ROBO2: variants seen among roughly 807,000 people sequenced by gnomAD.
ROBO2 encodes the protein roundabout homolog 2.
Under a neutral mutation model 160.8 loss-of-function variants are expected in ROBO2, and 53 were observed. That is an observed-to-expected ratio of 0.33 (90% confidence interval 0.26 to 0.41). The LOEUF is 0.41. ROBO2 is among the 10% of genes least tolerant of loss of function. ROBO2 has a pLI of 1.00. For synonymous variants in ROBO2, 664 were observed against 611.7 expected, an observed-to-expected ratio of 1.09 and a Z score of -1.26; for missense variants, 1,577 against 1,722.4, an observed-to-expected ratio of 0.92 and a Z score of 1.49.
At chr3:76,725,594 A>G (rs969291142) in intron 2 of ROBO2, among the ~76,000 whole-genome samples, 3 of 152,144 alleles carry the variant, frequency 2.0e-5, no homozygotes, top group East Asian at 1.9e-4. Flanking sequence ...CATTTCATAC[A>G]TGTTCCTGAA....
exon 1 of ROBO2, chr3:77,040,125 A>G: frequency 2.0e-6 from 2 of 981,330 alleles, no homozygotes; most frequent in Non-Finnish European, 2.4e-6. Context: ...CTCCACCCGA[A>G]TCGTCCTGAT....
chr3:77,219,823 T>C (rs1056796723), intron 2 of ROBO2, among the ~76,000 whole-genome samples: 4 of 151,446 alleles, frequency 2.6e-5, no homozygotes, highest in Non-Finnish European at 5.9e-5. Flanking sequence ...GTGTAGAAAA[T>C]TTGTAGATCT....
intron 2 of ROBO2, among the ~76,000 whole-genome samples, chr3:77,177,056 AAG>A (rs901137325): frequency 1.3e-5 from 2 of 152,020 alleles, no homozygotes; most frequent in Non-Finnish European, 2.9e-5. Flanking sequence ...AAGTAGGAAA[AAG>A]AGATTTCTAA....
At chr3:76,087,540 A>G (rs1441621525) in intron 2 of ROBO2, among the ~76,000 whole-genome samples, 1 of 152,116 alleles carries the variant, frequency 6.6e-6, no homozygotes, top group Non-Finnish European at 1.5e-5. Flanking sequence ...TGTAGAAAGA[A>G]GGAAAATGAT....
intron 2 of ROBO2, among the ~76,000 whole-genome samples, chr3:76,893,212 A>G (rs999981325): frequency 6.6e-6 from 1 of 152,064 alleles, no homozygotes; most frequent in Non-Finnish European, 1.5e-5. Context: ...ACACACACAC[A>G]CATACACATG....
intron 2 of ROBO2, among the ~76,000 whole-genome samples, chr3:76,034,335 T>C (rs1378284303): frequency 6.6e-6 from 1 of 152,202 alleles, no homozygotes; most frequent in Non-Finnish European, 1.5e-5. Flanking sequence ...AATCTCCTTC[T>C]CCTCAAGTAG....
At chr3:76,367,993 T>G (rs908463072) in intron 2 of ROBO2, among the ~76,000 whole-genome samples, 2 of 151,946 alleles carry the variant, frequency 1.3e-5, no homozygotes, top group Non-Finnish European at 1.5e-5. Flanking sequence ...ATTATTCATT[T>G]TCTTTGGTGT....
chr3:77,248,777 CTTTTTTTT>C (rs56271044), intron 2 of ROBO2, among the ~76,000 whole-genome samples: 4 of 141,606 alleles, frequency 2.8e-5, no homozygotes, highest in South Asian at 2.2e-4. Context: ...ATCACTTGCT[CTTTTTTTT>C]TTTTTTTTTT....
intron 2 of ROBO2, among the ~76,000 whole-genome samples, chr3:76,992,497 T>G (rs1167553335): frequency 6.6e-6 from 1 of 151,614 alleles, no homozygotes; most frequent in Admixed American, 6.6e-5. Flanking sequence ...CTGGTAAAAA[T>G]AGCAGTGGGT....
chr3:76,307,268 A>G (rs945242739), intron 2 of ROBO2, among the ~76,000 whole-genome samples: 5 of 152,160 alleles, frequency 3.3e-5, no homozygotes, highest in African/African-American at 4.8e-5. Context: ...TGGAAAAGCC[A>G]CCTTCTCTGC....
intron 2 of ROBO2, among the ~76,000 whole-genome samples, chr3:77,232,213 T>C (rs1336275299): frequency 2.0e-5 from 3 of 152,186 alleles, no homozygotes; most frequent in African/African-American, 4.8e-5. Flanking sequence ...ACATAAATAA[T>C]ATAATTTAAG....
At chr3:77,514,779 A>G (rs540352764) in intron 5 of ROBO2, among the ~76,000 whole-genome samples, 13 of 151,926 alleles carry the variant, frequency 8.6e-5, no homozygotes, top group Admixed American at 4.6e-4. Context: ...GGTTACAATG[A>G]CATTAATATT....
chr3:76,666,837 T>C (rs549028754), intron 2 of ROBO2, among the ~76,000 whole-genome samples: 2 of 152,238 alleles, frequency 1.3e-5, no homozygotes. Context: ...CTTGTTGATG[T>C]GTTAAAAAAA....
At chr3:75,969,047 G>C (rs2064901360) in intron 2 of ROBO2, among the ~76,000 whole-genome samples, 1 of 150,814 alleles carries the variant, frequency 6.6e-6, no homozygotes, top group African/African-American at 2.4e-5. Flanking sequence ...TCCATGTCTG[G>C]TTTATTTCAC....
At chr3:77,116,780 A>G (rs1014199148) in intron 2 of ROBO2, among the ~76,000 whole-genome samples, 7 of 152,114 alleles carry the variant, frequency 4.6e-5, no homozygotes, top group Admixed American at 3.9e-4. Context: ...GCCTTAGCCC[A>G]GGGCAGCCTT....
At chr3:76,129,317 T>C (rs1226104453) in intron 2 of ROBO2, among the ~76,000 whole-genome samples, 3 of 152,160 alleles carry the variant, frequency 2.0e-5, no homozygotes, top group African/African-American at 4.8e-5. Context: ...TAAACTTTCA[T>C]TTTATAGAGA....
chr3:77,371,441 A>G (rs539167351), intron 2 of ROBO2, among the ~76,000 whole-genome samples: 23 of 152,276 alleles, frequency 1.5e-4, no homozygotes, highest in African/African-American at 5.5e-4. Context: ...GAAACACTGG[A>G]CAAGTTACTT....
At chr3:76,198,163 A>G (rs775576595) in intron 2 of ROBO2, among the ~76,000 whole-genome samples, 1 of 151,292 alleles carries the variant, frequency 6.6e-6, no homozygotes, top group South Asian at 2.1e-4. Context: ...CCCTCAGGAC[A>G]TGGTGGGAAG....
At chr3:76,162,305 T>A (rs1187086545) in intron 2 of ROBO2, among the ~76,000 whole-genome samples, 2 of 152,126 alleles carry the variant, frequency 1.3e-5, no homozygotes, top group East Asian at 3.9e-4. Flanking sequence ...TACTTTATTG[T>A]GTTTCATTTT....
Sources: gnomAD v4.1 joint callset for allele counts (sites outside exome capture counted in the v4.1 genomes callset) on GRCh38, gnomAD v4.1.1 for gene constraint, MANE v1.5 for transcripts, NCBI Gene and HGNC (gene_info 2026-07-23, HGNC 2026-07-21) for gene names.